SMARCA4: variants seen among roughly 807,000 people sequenced by gnomAD.
SMARCA4 encodes the protein SWI/SNF related BAF chromatin remodeling complex subunit ATPase 4.
Under a neutral mutation model 193.9 loss-of-function variants are expected in SMARCA4, and 31 were observed. The ratio of observed to expected loss-of-function variants is 0.16; its 90% CI spans 0.12 to 0.22. The LOEUF (loss-of-function observed/expected upper bound fraction) is 0.22, where lower values mean the gene tolerates loss of function less well. SMARCA4 is among the 10% of genes least tolerant of loss of function. SMARCA4 has a pLI of 1.00. For synonymous variants in SMARCA4, 942 were observed against 933.1 expected, an observed-to-expected ratio of 1.01 and a Z score of -0.17; for missense variants, 1,148 against 2,296.0, an observed-to-expected ratio of 0.50 and a Z score of 10.22.
In SMARCA4 at chr19:11,019,256, A is replaced by C. The variant is rs2089644261; in HGVS notation, c.2505+233A>C. ...GACAGGAGTGAGCATGGTGGCCAGC[A>C]CTCAGAGGCCAGCTCAGGCGCCTGA... On this transcript the variant is annotated intron_variant, in intron 17 of 34. Coordinates refer to ENST00000344626, the MANE Select transcript of SMARCA4 (RefSeq NM_003072.5). This position sits in a 1 kb window ranked among gnomAD's most constrained non-coding sequence, Gnocchi z 6.1. 8 of 628,890 alleles carry C rather than the reference A, an allele frequency of 1.3e-5. No homozygotes were observed. The highest frequency in any genetic ancestry group is 2.3e-5 in the Non-Finnish European group (8 of 347,974). 39.0% of individuals were successfully genotyped at this position (628,890 alleles called of 1,614,324 possible).
At chr19:10,980,821 GGT>G (rs2085501924) in intron 1 of SMARCA4, 1 of 152,294 alleles carries the variant, frequency 6.6e-6, no homozygotes. Context: ...GTGCGGTCAT[GGT>G]TCACTGCAGC....
At position 11,031,708 on chromosome 19, in the gene SMARCA4, A is replaced by T. The variant is rs2074943714; in HGVS notation, c.3546+815A>T. 6.6e-6 allele frequency: 1 copy of T among 152,254 alleles called. No individual in the cohort carries two copies. Among genetic ancestry groups the T allele is most frequent in the Non-Finnish European group, 1.5e-5 (1 of 68,088 alleles). The allele number at this position is 152,254 out of a possible 1,614,324, so 9.4% of individuals were successfully genotyped here. A position where few individuals can be genotyped will look rare whatever the true frequency, so the allele number is the denominator to read the frequency against. On this transcript the variant is annotated intron_variant, in intron 25 of 34. Coordinates refer to ENST00000344626, the MANE Select transcript of SMARCA4 (RefSeq NM_003072.5). This position sits in a 1 kb window ranked among gnomAD's most constrained non-coding sequence, Gnocchi z 4.3. Reference sequence around the variant, plus strand: ...TGGCCACCCCTGGACGTCTGCTCTCAAACTCTGGTTGGCAGGCATCCGTCT... The same window carrying T: ...TGGCCACCCCTGGACGTCTGCTCTCTAACTCTGGTTGGCAGGCATCCGTCT...
chr19:10,995,305 C>T (rs755371082), intron 9 of SMARCA4: 3 of 566,816 alleles, frequency 5.3e-6, no homozygotes, highest in Non-Finnish European at 1.0e-5. Context: ...GATCCAGACC[C>T]CCGACCCCTA....
chr19:10,965,141 A>G (rs924600455), intron 1 of SMARCA4, among the ~76,000 whole-genome samples: 7 of 151,866 alleles, frequency 4.6e-5, no homozygotes, highest in African/African-American at 1.7e-4. Flanking sequence ...TGACCCAGCC[A>G]CTCTTCCCCA....
intron 30 of SMARCA4, among the ~76,000 whole-genome samples, chr19:11,052,678 A>T (rs566782136): frequency 8.9e-4 from 135 of 152,300 alleles, no homozygotes; most frequent in Non-Finnish European, 1.4e-3. Flanking sequence ...TCCTGTGGTG[A>T]CAACAGGGAC....
intron 30 of SMARCA4, chr19:11,047,743 A>G (rs1039220344): frequency 6.6e-6 from 1 of 152,144 alleles, no homozygotes; most frequent in African/African-American, 2.4e-5. Context: ...CTTGGTCACA[A>G]AGACACAGCT....
intron 34 of SMARCA4, 43 bp downstream of exon 34, chr19:11,060,230 G>C (rs2147129231): frequency 6.5e-7 from 1 of 1,549,150 alleles, no homozygotes; most frequent in South Asian, 1.2e-5. Context: ...CATGTGGCAG[G>C]AGGCATCCCG....
chr19:11,041,155 G>A lies in SMARCA4; in HGVS notation c.4171-152G>A. 2.6e-6 allele frequency: 2 copies of A among 767,542 alleles called. No homozygotes were observed. Among genetic ancestry groups the A allele is most frequent in the Non-Finnish European group, 4.3e-6 (2 of 467,724 alleles). The allele number at this position is 767,542 out of a possible 1,614,324, so 47.5% of individuals were successfully genotyped here. A position where few individuals can be genotyped will look rare whatever the true frequency, so the allele number is the denominator to read the frequency against. On this transcript the variant is annotated intron_variant, in intron 29 of 34. Coordinates refer to ENST00000344626, the MANE Select transcript of SMARCA4 (RefSeq NM_003072.5). The surrounding 1 kb of genome is among the most constrained non-coding windows in gnomAD (Gnocchi z 5.6). ...GCCCAGGCACCCCTTGAGAGTCCCA[G>A]TGTGTGTTATGCCCCGAGCCAGTCA...
At chr19:11,035,301 G>A (rs1399332315) in intron 29 of SMARCA4, among the ~76,000 whole-genome samples, 169 bp downstream of exon 29, 1 of 152,238 alleles carries the variant, frequency 6.6e-6, no homozygotes, top group Non-Finnish European at 1.5e-5. Flanking sequence ...GCCAGGGATG[G>A]TCAGGTCCTT....
chr19:10,999,762 A>C (rs923335183), intron 11 of SMARCA4, among the ~76,000 whole-genome samples: 9 of 152,346 alleles, frequency 5.9e-5, no homozygotes, highest in African/African-American at 2.2e-4. Context: ...TAAAATCAGC[A>C]ACCTGATTTC....
Position 10,987,720 on chromosome 19 carries a change from C to G in SMARCA4, c.914C>G (p.Pro305Arg), listed in dbSNP as rs138097741. Residue 305 changes from proline (P) to arginine (R), a missense_variant, in exon 6 of 35, where the codon CCG becomes CGG. Physicochemically the swap from Pro to Arg is moderately radical, Grantham distance 103. This residue lies in a region of SMARCA4 where 257 missense variants were observed against 276.5 expected (regional missense o/e 0.93). Coordinates refer to ENST00000344626, the MANE Select transcript of SMARCA4 (RefSeq NM_003072.5). The surrounding 1 kb of genome is among the most constrained non-coding windows in gnomAD (Gnocchi z 5.3). ...AGCACCCCTCAGAAGCTGATTCCCC[C>G]GCAGCCAACGGGCCGCCCTTCCCCC... ...PTSTPQKLIPPQPTGRPSPAP... is the reference protein window; with the variant it reads ...PTSTPQKLIPRQPTGRPSPAP... 1.9e-6 allele frequency: 3 copies of G among 1,610,316 alleles called. No individual in the cohort carries two copies. The highest frequency in any genetic ancestry group is 1.1e-5 in the South Asian group (1 of 90,886).
intron 30 of SMARCA4, among the ~76,000 whole-genome samples, chr19:11,052,099 A>G (rs1295311382): frequency 6.6e-6 from 1 of 152,190 alleles, no homozygotes; most frequent in African/African-American, 2.4e-5. Flanking sequence ...CGTCTCAAAA[A>G]TAAATAAATA....
rs763623884 is a variant in SMARCA4 at position 11,058,776 on chromosome 19, C to T, written c.4534-12C>T. ...GTCCTGAGGTAAGACCTGCTCCTCC[C>T]GTCCACTGCAGGAGCGCATTCGCAA... is the stretch of plus-strand genomic sequence containing the variant. On this transcript the variant is annotated splice_polypyrimidine_tract_variant and intron_variant, in intron 31 of 34. Transcript: ENST00000344626. The surrounding 1 kb of genome is among the most constrained non-coding windows in gnomAD (Gnocchi z 5.8). 2.7e-5 allele frequency: 44 copies of T among 1,606,234 alleles called. No homozygotes were observed. The highest frequency in any genetic ancestry group is 3.3e-5 in the South Asian group (3 of 90,928).
At chr19:11,011,232 CTT>C (rs74180004) in intron 15 of SMARCA4, 3 of 146,992 alleles carry the variant, frequency 2.0e-5, no homozygotes, top group Non-Finnish European at 3.0e-5. Flanking sequence ...CTTTTCTTTT[CTT>C]TTTTTTTTTT....
At chr19:11,049,981 A>C (rs553731080) in intron 30 of SMARCA4, among the ~76,000 whole-genome samples, 1 of 152,210 alleles carries the variant, frequency 6.6e-6, no homozygotes, top group Non-Finnish European at 1.5e-5. Context: ...ACTCGCCTGT[A>C]ATCCCAGCTA....
At chr19:11,035,187 G>A (rs2075194624) in intron 29 of SMARCA4, 55 bp downstream of exon 29, 1 of 1,504,494 alleles carries the variant, frequency 6.6e-7, no homozygotes, top group South Asian at 1.2e-5. Flanking sequence ...GCAGGGCTGG[G>A]GAGACAAAGG....
At chr19:11,049,697 A>T (rs935237911) in intron 30 of SMARCA4, among the ~76,000 whole-genome samples, 1 of 152,184 alleles carries the variant, frequency 6.6e-6, no homozygotes. Flanking sequence ...GTAAGGGCTC[A>T]GAGAAGGGCA....
At position 11,062,166 on chromosome 19, in the gene SMARCA4, ACTC is replaced by A. The variant is rs1261422301; in HGVS notation, c.*356_*358del. 3 of 408,968 alleles carry A rather than the reference ACTC, an allele frequency of 7.3e-6. No homozygotes were observed. Among genetic ancestry groups the A allele is most frequent in the Non-Finnish European group, 9.1e-6 (2 of 220,550 alleles). The allele number at this position is 408,968 out of a possible 1,614,324, so 25.3% of individuals were successfully genotyped here. On this transcript the variant is annotated 3_prime_UTR_variant, in exon 35 of 35. Transcript: ENST00000344626. ...TGTGGATGCATGTGCGTCACCGTCCACTCCTCCTACTGTATTTTATTGGACAGG... is the reference window on the plus strand; with the variant it reads ...TGTGGATGCATGTGCGTCACCGTCCACTCCTACTGTATTTTATTGGACAGG...
At position 11,019,032 on chromosome 19, in the gene SMARCA4, C is replaced by T. The variant is rs2089626579; in HGVS notation, c.2505+9C>T. 1.2e-6 allele frequency: 2 copies of T among 1,611,028 alleles called. No homozygotes were observed. The highest frequency in any genetic ancestry group is 1.7e-6 in the Non-Finnish European group (2 of 1,177,102). On this transcript the variant is annotated intron_variant, in intron 17 of 34. Transcript: ENST00000344626. The surrounding 1 kb of genome is among the most constrained non-coding windows in gnomAD (Gnocchi z 6.1). ...TGAAGGTGTCTTACAAGGTAGGTCA[C>T]AGCCACTGAGGTTTCCTCTCTTGCT...
Sources: allele counts gnomAD v4.1 joint callset (sites outside exome capture counted in the v4.1 genomes callset), GRCh38; gene constraint gnomAD v4.1.1; regional missense constraint gnomAD v4.1.1; non-coding constraint Gnocchi (gnomAD v3.1); transcripts MANE v1.5; gene names NCBI Gene and HGNC (gene_info 2026-07-23, HGNC 2026-07-21).